PEX1: variants seen among roughly 807,000 people sequenced by gnomAD.
PEX1 encodes the protein peroxisomal ATPase PEX1.
Under a neutral mutation model 152.5 loss-of-function variants are expected in PEX1, and 97 were observed. The observed-to-expected ratio is 0.64, with a 90% CI of 0.54 to 0.75. The LOEUF (loss-of-function observed/expected upper bound fraction) is 0.75. PEX1 is among the 30% of genes least tolerant of loss of function. PEX1 has a pLI of 0.00. For synonymous variants in PEX1, 485 were observed against 531.6 expected (o/e 0.91, Z 1.21); for missense variants, 1,357 against 1,516.3 (o/e 0.89, Z 1.74).
intron 1 of PEX1, among the ~76,000 whole-genome samples, chr7:92,524,905 A>T (rs1459310581): frequency 6.6e-6 from 1 of 152,220 alleles, no homozygotes; most frequent in East Asian, 1.9e-4. Context: ...CATAATCCAG[A>T]TAAATTCTAC....
rs775421085 is a variant in PEX1 at position 92,499,776 on chromosome 7, C to T, written c.2646G>A (p.Pro882=). 9 of 1,611,934 alleles carry T rather than the reference C, an allele frequency of 5.6e-6. No homozygotes were observed. The highest frequency in any genetic ancestry group is 2.2e-5 in the South Asian group (2 of 91,026). The change falls in exon 16 of 24, where the codon CCG becomes CCA. Residue 882 remains proline, a synonymous_variant. Coordinates refer to ENST00000248633, the MANE Select transcript of PEX1 (RefSeq NM_000466.3). ...RQRTGILLYG[P]PGTGKTLLAG... is the part of the protein sequence containing the mutation. ...CTAGTAAGGTTTTTCCTGTTCCAGGCGGACCATACAACAGTATTCCTGTTC... is the reference window on the plus strand; with the variant it reads ...CTAGTAAGGTTTTTCCTGTTCCAGGTGGACCATACAACAGTATTCCTGTTC...
chr7:92,513,560 C>T (rs552452176), intron 6 of PEX1, among the ~76,000 whole-genome samples: 47 of 151,936 alleles, frequency 3.1e-4, no homozygotes, highest in Non-Finnish European at 3.1e-4. Context: ...AAGGAGTGGA[C>T]GGGGAATTAT....
chr7:92,487,393 C>T lies in PEX1; in HGVS notation c.*64G>A. 4.8e-6 allele frequency: 4 copies of T among 832,524 alleles called. No individual in the cohort carries two copies. Among genetic ancestry groups the T allele is most frequent in the Admixed American group, 2.3e-5 (1 of 43,738 alleles). 51.6% of individuals were successfully genotyped at this position (832,524 alleles called of 1,614,324 possible). A position where few individuals can be genotyped will look rare whatever the true frequency, so the allele number is the denominator to read the frequency against. On this transcript the variant is annotated 3_prime_UTR_variant, in exon 24 of 24. Transcript: ENST00000248633. ...GAAATTCATAGACACCATTTTTTTC[C>T]TGTTACAACATATGGAAAAGCCATC... is the stretch of plus-strand genomic sequence containing the variant.
chr7:92,499,700 A>G lies in PEX1; in HGVS notation c.2718+4T>C, dbSNP rs747350831. 6.2e-7 allele frequency: 1 copy of G among 1,609,302 alleles called. No homozygotes were observed. The stretch of plus-strand genomic sequence containing the variant: ...TAAAAAAAGAAGATAAGTAGACAAC[A>G]TACCTTGACACTTATAAAATTCATT... On this transcript the variant is annotated splice_donor_region_variant and intron_variant, in intron 16 of 23. Transcript: ENST00000248633.
intron 5 of PEX1, among the ~76,000 whole-genome samples, chr7:92,515,161 A>G (rs896511733): frequency 6.8e-6 from 1 of 147,222 alleles, no homozygotes; most frequent in Non-Finnish European, 1.5e-5. Flanking sequence ...CTTCCCAAAT[A>G]TAAGTAAGCA....
intron 3 of PEX1, among the ~76,000 whole-genome samples, chr7:92,518,619 G>C (rs1316704272): frequency 1.3e-5 from 2 of 152,108 alleles, no homozygotes; most frequent in African/African-American, 2.4e-5. Context: ...TTCCAGACTG[G>C]AGTACAATGG....
chr7:92,507,213 G>T, intron 9 of PEX1, 87 bp from the exon 10 acceptor site: 1 of 1,090,044 alleles, frequency 9.2e-7, no homozygotes, highest in Non-Finnish European at 1.4e-6. Context: ...TGCCTTCCCA[G>T]TGTAGTTAAT....
At chr7:92,511,540 T>C in intron 7 of PEX1, 40 bp downstream of exon 7, 2 of 1,523,894 alleles carry the variant, frequency 1.3e-6, no homozygotes, top group Non-Finnish European at 1.8e-6. Context: ...TGTACAACTA[T>C]TTAAATAGAA....
rs1791924678 is a variant in PEX1 at position 92,501,519 on chromosome 7, C to T, written c.2571G>A (p.Gln857=). The T allele has an allele frequency of 1.2e-6, 2 of 1,613,210 alleles. No homozygotes were observed. The highest frequency in any genetic ancestry group is 1.7e-6 in the Non-Finnish European group (2 of 1,179,266). Residue 857 remains glutamine (Q), a synonymous_variant, in exon 15 of 24, where the codon CAG becomes CAA. Coordinates refer to ENST00000248633, the MANE Select transcript of PEX1 (RefSeq NM_000466.3). ...EVRQILMDTI[Q]LPAKYPELFA... The stretch of plus-strand genomic sequence containing the variant: ...TTTTTAAACATACCTTGGCAGGTAA[C>T]TGGATAGTATCCATGAGTATCTGCC...
In PEX1 at chr7:92,502,003, T is replaced by A; in HGVS notation, c.2303A>T (p.Asp768Val). The part of the protein sequence containing the change: ...DCDINKFTDL[D>V]LQHVAKETGG... ...AGTTTCTTTAGCTACATGCTGCAGG[T>A]CAAGATCGGTGAACTTGTTTATATC... is the stretch of plus-strand genomic sequence containing the variant. Residue 768 changes from aspartate to valine, a missense_variant, in exon 14 of 24, where the codon GAC becomes GTC. Coordinates refer to ENST00000248633, the MANE Select transcript of PEX1 (RefSeq NM_000466.3). The A allele has an allele frequency of 6.2e-7, 1 of 1,613,278 alleles. No homozygotes were observed. The highest frequency in any genetic ancestry group is 8.5e-7 in the Non-Finnish European group (1 of 1,179,194).
rs763116900 is a variant in PEX1, at chr7:92,506,314, T to C, written c.1834A>G (p.Ile612Val). The C allele has an allele frequency of 1.9e-6, 3 of 1,611,222 alleles. No individual in the cohort carries two copies. Among genetic ancestry groups the C allele is most frequent in the Middle Eastern group, 3.3e-4 (2 of 6,054 alleles). The change falls in exon 11 of 24, where the codon ATC (isoleucine) becomes GTC (valine). Residue 612 changes from isoleucine (I) to valine (V), a missense_variant. By Grantham distance (29) the Ile-to-Val change is conservative. Transcript: ENST00000248633. ...GSGKSTLAKA[I>V]CKEAFDKLDA... ...AGTTTGTCAAATGCTTCTTTACAGATTGCTTTGGCTAAAGTTGATTTTCCA... is the reference window on the plus strand; with the variant it reads ...AGTTTGTCAAATGCTTCTTTACAGACTGCTTTGGCTAAAGTTGATTTTCCA...
intron 20 of PEX1, 68 bp from the exon 21 acceptor site, chr7:92,491,570 C>CAT: frequency 1.1e-6 from 1 of 901,158 alleles, no homozygotes; most frequent in East Asian, 2.4e-5. Flanking sequence ...TAAATAATAA[C>CAT]ATAGATAGCA....
intron 3 of PEX1, 117 bp downstream of exon 3, chr7:92,518,878 T>C: frequency 1.2e-6 from 1 of 808,016 alleles, no homozygotes; most frequent in Non-Finnish European, 2.1e-6. Context: ...CCCCAATTCA[T>C]TCTTATAATT....
intron 3 of PEX1, 148 bp downstream of exon 3, chr7:92,518,847 G>A (rs1792924647): frequency 1.5e-6 from 1 of 688,916 alleles, no homozygotes; most frequent in Non-Finnish European, 2.6e-6. Context: ...TGGGACTATA[G>A]GCATGAGCTA....
chr7:92,502,802 C>G (rs1214751256), intron 13 of PEX1, among the ~76,000 whole-genome samples: 1 of 152,148 alleles, frequency 6.6e-6, no homozygotes, highest in African/African-American at 2.4e-5. Context: ...TCTGTTCTTT[C>G]TCATTCAAAG....
In PEX1 at chr7:92,506,983, TA is replaced by T; in HGVS notation, c.1803+10del. 6.2e-7 allele frequency: 1 copy of T among 1,613,774 alleles called. No homozygotes were observed. The highest frequency in any genetic ancestry group is 1.7e-4 in the Middle Eastern group (1 of 6,060). Reference sequence around the variant, plus strand: ...ATGTTACAGAAAAATGAACACACCTTAACCACTTACCTTTCCTCCTGTGAGT... The same window carrying T: ...ATGTTACAGAAAAATGAACACACCTTACCACTTACCTTTCCTCCTGTGAGT... On this transcript the variant is annotated intron_variant, in intron 10 of 23. Transcript: ENST00000248633.
chr7:92,504,608 G>A (rs935146451), intron 12 of PEX1, 124 bp downstream of exon 12: 3 of 959,612 alleles, frequency 3.1e-6, no homozygotes, highest in African/African-American at 3.2e-5. Context: ...GCCATCAGGG[G>A]CCTCAAACAC....
intron 21 of PEX1, 171 bp downstream of exon 21, chr7:92,491,101 A>T (rs1791285372): frequency 1.7e-6 from 1 of 587,384 alleles, no homozygotes; most frequent in Non-Finnish European, 3.0e-6. Flanking sequence ...GAAAATCTTA[A>T]CAAGGAATGC....
At chr7:92,499,893 C>T in intron 15 of PEX1, 55 bp from the exon 16 acceptor site, 8 of 1,427,432 alleles carry the variant, frequency 5.6e-6, no homozygotes, top group Middle Eastern at 3.5e-4. Flanking sequence ...ACAGAAATGA[C>T]TAAGTAGCAG....
Sources: gnomAD v4.1 joint callset for allele counts (sites outside exome capture counted in the v4.1 genomes callset) on GRCh38, gnomAD v4.1.1 for gene constraint, MANE v1.5 for transcripts, NCBI Gene and HGNC (gene_info 2026-07-23, HGNC 2026-07-21) for gene names.